The following DSCAM variants were observed in gnomAD, a reference collection of about 807,000 sequenced individuals.
DSCAM encodes cell adhesion molecule DSCAM.
Under a neutral mutation model 217.7 loss-of-function variants are expected in DSCAM, and 47 were observed. The ratio of observed to expected loss-of-function variants is 0.22; its 90% CI spans 0.17 to 0.28. DSCAM has a LOEUF of 0.28. Ranked by LOEUF, DSCAM falls within the 10% of genes least tolerant of loss-of-function variation. DSCAM has a pLI of 1.00. For synonymous variants in DSCAM, 1,056 were observed against 1,015.3 expected, an observed-to-expected ratio of 1.04 and a Z score of -0.76; for missense variants, 2,080 against 2,618.3, an observed-to-expected ratio of 0.79 and a Z score of 4.49.
At chr21:40,268,332 GA>G (rs945130533) in intron 11 of DSCAM, among the ~76,000 whole-genome samples, 3 of 152,132 alleles carry the variant, frequency 2.0e-5, no homozygotes, top group African/African-American at 7.2e-5. Flanking sequence ...GGGGCAGCCA[GA>G]AGACAGGAGG....
At chr21:40,750,845 T>C (rs2091220327) in intron 1 of DSCAM, among the ~76,000 whole-genome samples, 1 of 152,148 alleles carries the variant, frequency 6.6e-6, no homozygotes, top group African/African-American at 2.4e-5. Context: ...ACTCAGCCTT[T>C]GTGATGCACC....
chr21:40,415,400 C>T (rs1161746582), intron 3 of DSCAM, among the ~76,000 whole-genome samples: 1 of 152,102 alleles, frequency 6.6e-6, no homozygotes, highest in Non-Finnish European at 1.5e-5. Context: ...ACAAACAGAG[C>T]TAATATACTG....
At chr21:40,215,284 A>C (rs150072571) in intron 11 of DSCAM, among the ~76,000 whole-genome samples, 1 of 147,254 alleles carries the variant, frequency 6.8e-6, no homozygotes, top group South Asian at 2.2e-4. Context: ...AATCAACCTG[A>C]GTCCTCATCA....
intron 6 of DSCAM, among the ~76,000 whole-genome samples, chr21:40,342,649 T>TATATATATATATATATATATATATATA (rs1555907253): frequency 2.6e-5 from 1 of 39,002 alleles, no homozygotes; most frequent in African/African-American, 7.2e-5. Flanking sequence ...TATATATATA[T>TATATATATATATATATATATATATATA]TTTTTTTTTT....
chr21:40,757,003 A>G (rs13052415), intron 1 of DSCAM, among the ~76,000 whole-genome samples: 21 of 137,562 alleles, frequency 1.5e-4, no homozygotes, highest in South Asian at 9.8e-4. Context: ...GTGTGTGTGT[A>G]TGTGTGTGTA....
chr21:40,091,810 A>C (rs1055864989), intron 21 of DSCAM, among the ~76,000 whole-genome samples: 1 of 152,118 alleles, frequency 6.6e-6, no homozygotes, highest in African/African-American at 2.4e-5. Flanking sequence ...ACTCCCCTTT[A>C]CAAAACCATC....
At chr21:40,492,410 T>G (rs2076082774) in intron 3 of DSCAM, among the ~76,000 whole-genome samples, 1 of 152,100 alleles carries the variant, frequency 6.6e-6, no homozygotes, top group African/African-American at 2.4e-5. Context: ...AACTAGAAAT[T>G]TATGATCTTT....
At chr21:40,737,242 T>C (rs911366634) in intron 1 of DSCAM, among the ~76,000 whole-genome samples, 1 of 152,190 alleles carries the variant, frequency 6.6e-6, no homozygotes, top group Non-Finnish European at 1.5e-5. Flanking sequence ...AAATGATACA[T>C]ATTATAGGAT....
In DSCAM at chr21:40,453,032, TAA is replaced by T. The variant is rs550044939; in HGVS notation, c.509-83789_509-83788del. On this transcript the variant is annotated intron_variant, in intron 3 of 32. Transcript: ENST00000400454. ...GGCTGCCTCTCTGGTTCCTGAATTT[TAA>T]AGACTTTGTGTGTGTGTGTGTGTGT... 4.1e-4 allele frequency among the ~76,000 whole-genome samples: 59 copies of T among 144,198 alleles called. No individual in the cohort carries two copies. The East Asian group carries it at 7.4e-3, about 18-fold the overall frequency. The allele number at this position is 144,198 out of a possible 152,430, so 94.6% of individuals were successfully genotyped here. A position where few individuals can be genotyped will look rare whatever the true frequency, so the allele number is the denominator to read the frequency against.
intron 32 of DSCAM, among the ~76,000 whole-genome samples, chr21:40,030,101 C>T (rs926300070): frequency 6.6e-6 from 1 of 152,224 alleles, no homozygotes; most frequent in African/African-American, 2.4e-5. Flanking sequence ...TACATAAGCA[C>T]ATGCTCCCAT....
chr21:40,428,749 C>T (rs978912500), intron 3 of DSCAM, among the ~76,000 whole-genome samples: 1 of 151,938 alleles, frequency 6.6e-6, no homozygotes, highest in South Asian at 2.1e-4. Context: ...TTCAGCTGGC[C>T]GCTGCCCTGG....
intron 11 of DSCAM, among the ~76,000 whole-genome samples, chr21:40,272,073 CTA>C (rs2073624983): frequency 6.8e-6 from 1 of 146,922 alleles, no homozygotes; most frequent in African/African-American, 2.6e-5. Context: ...ATTGACAGAG[CTA>C]TTTTTTTTTT....
chr21:40,155,839 T>C (rs923103133), intron 16 of DSCAM, among the ~76,000 whole-genome samples: 6 of 151,804 alleles, frequency 4.0e-5, no homozygotes, highest in Admixed American at 2.0e-4. Flanking sequence ...CTGGATGTCT[T>C]GATGAGAAAA....
intron 3 of DSCAM, among the ~76,000 whole-genome samples, chr21:40,480,445 C>T (rs1032139335): frequency 2.0e-5 from 3 of 152,204 alleles, no homozygotes; most frequent in Non-Finnish European, 4.4e-5. Flanking sequence ...TTCATAGCCT[C>T]ACACACATTA....
chr21:40,570,921 G>A (rs1420684974), intron 3 of DSCAM, among the ~76,000 whole-genome samples: 2 of 152,102 alleles, frequency 1.3e-5, no homozygotes, highest in South Asian at 2.1e-4. Context: ...AATCCCAGAA[G>A]AAGAAGAGAG....
chr21:40,463,301 C>G (rs2075820079), intron 3 of DSCAM, among the ~76,000 whole-genome samples: 1 of 152,074 alleles, frequency 6.6e-6, no homozygotes, highest in African/African-American at 2.4e-5. Flanking sequence ...ATGTGGTGAG[C>G]TGGACATAGC....
chr21:40,136,709 G>T (rs534185703), intron 18 of DSCAM, among the ~76,000 whole-genome samples: 2 of 152,200 alleles, frequency 1.3e-5, no homozygotes, highest in South Asian at 4.1e-4. Context: ...TCCCAAGAGT[G>T]CAGGGTGTCC....
intron 3 of DSCAM, among the ~76,000 whole-genome samples, chr21:40,547,772 CCTTCAAATGTG>C (rs1164935448): frequency 6.6e-6 from 1 of 152,152 alleles, no homozygotes; most frequent in Middle Eastern, 3.2e-3. Flanking sequence ...CTTCCACTGT[CCTTCAAATGTG>C]CCTCAAATTG....
intron 3 of DSCAM, among the ~76,000 whole-genome samples, chr21:40,586,429 A>T (rs1256923195): frequency 1.3e-5 from 2 of 152,244 alleles, no homozygotes; most frequent in African/African-American, 2.4e-5. Flanking sequence ...ATTAAGGAAA[A>T]TGACAACACT....
Sources: gnomAD v4.1 joint callset for allele counts (sites outside exome capture counted in the v4.1 genomes callset) on GRCh38, gnomAD v4.1.1 for gene constraint, MANE v1.5 for transcripts, NCBI Gene and HGNC (gene_info 2026-07-23, HGNC 2026-07-21) for gene names.